Variants in TNFRSF10D observed in about 807,000 individuals in gnomAD.
TNFRSF10D encodes TNF receptor superfamily member 10d, also known as tumor necrosis factor receptor superfamily member 10D.
Under a neutral mutation model 42.1 loss-of-function variants are expected in TNFRSF10D, and 28 were observed. That is an observed-to-expected ratio of 0.66 (90% CI 0.49 to 0.91). The LOEUF (loss-of-function observed/expected upper bound fraction) is 0.91, where lower values mean the gene tolerates loss of function less well. Among genes scored for constraint, TNFRSF10D ranks in the 40% least tolerant of loss-of-function variants. The pLI is 0.00. For synonymous variants in TNFRSF10D, 186 were observed against 189.4 expected (o/e 0.98, Z 0.15); for missense variants, 503 against 486.1 (o/e 1.03, Z -0.33).
intron 2 of TNFRSF10D, among the ~76,000 whole-genome samples, chr8:23,152,150 T>C (rs900197975): frequency 2.0e-5 from 3 of 152,146 alleles, no homozygotes; most frequent in Admixed American, 1.3e-4. Flanking sequence ...AGAAGGATGT[T>C]AGGTTCAGAT....
At chr8:23,160,804 T>G (rs571997178) in intron 1 of TNFRSF10D, among the ~76,000 whole-genome samples, 1 of 152,260 alleles carries the variant, frequency 6.6e-6, no homozygotes, top group African/African-American at 2.4e-5. Context: ...TGCAGCCACC[T>G]GGATGGAGAC....
chr8:23,148,673 G>T, intron 2 of TNFRSF10D, 122 bp from the exon 3 acceptor site: 1 of 624,984 alleles, frequency 1.6e-6, no homozygotes, highest in Non-Finnish European at 2.8e-6. Context: ...GCTCTTCTTG[G>T]CTTGGTCTTG....
intron 2 of TNFRSF10D, among the ~76,000 whole-genome samples, chr8:23,152,552 A>G (rs1800224763): frequency 6.6e-6 from 1 of 152,256 alleles, no homozygotes; most frequent in Non-Finnish European, 1.5e-5. Flanking sequence ...ACAATTGAAC[A>G]GGGAAAGGAA....
chr8:23,159,081 A>G (rs2128839787), intron 1 of TNFRSF10D, among the ~76,000 whole-genome samples: 1 of 151,968 alleles, frequency 6.6e-6, no homozygotes, highest in South Asian at 2.1e-4. Flanking sequence ...CCTTCACACG[A>G]CATGATTTTC....
intron 3 of TNFRSF10D, among the ~76,000 whole-genome samples, chr8:23,147,760 C>A (rs1194623592): frequency 6.6e-6 from 1 of 152,012 alleles, no homozygotes; most frequent in Non-Finnish European, 1.5e-5. Flanking sequence ...AACCCTGTCT[C>A]TACTAAAAAC....
rs1280305612 is a variant in TNFRSF10D, at chr8:23,137,304, G to T, written c.*566C>A. On this transcript the variant is annotated 3_prime_UTR_variant, in exon 9 of 9. Coordinates refer to ENST00000312584, the MANE Select transcript of TNFRSF10D (RefSeq NM_003840.5). The stretch of plus-strand genomic sequence containing the variant: ...ATACAGGTAATAACAAGATAATCCC[G>T]TTCTAAAGTTAAAAAACTATAAGGC... 6.6e-6 allele frequency: 1 copy of T among 152,198 alleles called. No homozygotes were observed. Among genetic ancestry groups the T allele is most frequent in the African/African-American group, 2.4e-5 (1 of 41,388 alleles). The allele number at this position is 152,198 out of a possible 1,614,324, so 9.4% of individuals were successfully genotyped here.
intron 1 of TNFRSF10D, among the ~76,000 whole-genome samples, chr8:23,157,072 C>A (rs1182854016): frequency 1.3e-5 from 2 of 151,912 alleles, no homozygotes; most frequent in African/African-American, 4.8e-5. Context: ...TATAATTCAC[C>A]CATTTAGTCT....
chr8:23,137,944 G>A lies in TNFRSF10D; in HGVS notation c.1087C>T (p.Gln363Ter). The A allele has an allele frequency of 1.2e-6, 2 of 1,614,208 alleles. No individual in the cohort carries two copies. The highest frequency in any genetic ancestry group is 1.7e-6 in the Non-Finnish European group (2 of 1,180,048). Residue 363 changes from glutamine (Q) to a stop codon, truncating the protein, a stop_gained, in exon 9 of 9, where the codon CAG becomes TAG. Transcript: ENST00000312584. LOFTEE classifies it low-confidence loss of function (END_TRUNC). ...TTTTCGGAGCCCACCAGTTGGTCCTGAATTGTTTCCTTTGCATGTCCTTCT... is the reference window on the plus strand; with the variant it reads ...TTTTCGGAGCCCACCAGTTGGTCCTAAATTGTTTCCTTTGCATGTCCTTCT... ...LEEGHAKETI[Q>*]DQLVGSEKLF... is the part of the protein sequence containing the mutation.
intron 7 of TNFRSF10D, among the ~76,000 whole-genome samples, chr8:23,143,229 G>A (rs1292928827): frequency 6.7e-6 from 1 of 150,286 alleles, no homozygotes; most frequent in East Asian, 2.0e-4. Flanking sequence ...ACCCTCCTCG[G>A]CCTCCCAAAG....
intron 2 of TNFRSF10D, among the ~76,000 whole-genome samples, chr8:23,148,919 G>T (rs368227344): frequency 6.6e-6 from 1 of 151,190 alleles, no homozygotes; most frequent in Non-Finnish European, 1.5e-5. Context: ...GGCCAGGCAC[G>T]GTGGCTCACG....
chr8:23,156,199 T>G (rs568953784), intron 1 of TNFRSF10D, among the ~76,000 whole-genome samples: 10 of 152,336 alleles, frequency 6.6e-5, no homozygotes, highest in African/African-American at 2.2e-4. Flanking sequence ...TTCAAATTTT[T>G]TTTGCATAGT....
intron 2 of TNFRSF10D, among the ~76,000 whole-genome samples, chr8:23,150,179 C>G (rs757987392): frequency 1.3e-5 from 2 of 150,970 alleles, no homozygotes; most frequent in Admixed American, 6.6e-5. Context: ...AGTGCCAGGT[C>G]AGTCCCCATG....
At chr8:23,139,116 T>C (rs1450799719) in intron 7 of TNFRSF10D, among the ~76,000 whole-genome samples, 3 of 152,316 alleles carry the variant, frequency 2.0e-5, no homozygotes, top group South Asian at 2.1e-4. Context: ...GAAATGTATG[T>C]CTGGAGGAAT....
chr8:23,153,690 A>G (rs1394518852), intron 2 of TNFRSF10D, among the ~76,000 whole-genome samples: 856 of 152,082 alleles, frequency 5.6e-3, no homozygotes, highest in African/African-American at 0.017. Context: ...ACACCTGTAA[A>G]AATGGCTATT....
intron 7 of TNFRSF10D, 127 bp downstream of exon 7, chr8:23,144,323 G>T: frequency 9.0e-7 from 1 of 1,113,258 alleles, no homozygotes. Flanking sequence ...GTCCCCTGCA[G>T]TCCCCTGTCT....
intron 1 of TNFRSF10D, among the ~76,000 whole-genome samples, chr8:23,163,532 G>T (rs957239699): frequency 2.4e-4 from 36 of 152,172 alleles, no homozygotes; most frequent in African/African-American, 8.2e-4. Context: ...CTTCCTCTGG[G>T]GCAGCTCAGT....
In TNFRSF10D at chr8:23,144,556, C is replaced by G; in HGVS notation, c.848G>C (p.Arg283Thr). The change falls in exon 7 of 9, where the codon AGA becomes ACA. Residue 283 changes from arginine to threonine, a missense_variant. Physicochemically the swap from Arg to Thr is moderately conservative, Grantham distance 71. Transcript: ENST00000312584. ...AGAGACCTGGGTGGGCTGCAAGTAT[C>G]TGTTACTCAGGGTCTCGTTGCGGGC... ...DNARNETLSNRYLQPTQVSEQ... is the reference protein window; with the variant it reads ...DNARNETLSNTYLQPTQVSEQ... 2 of 1,614,208 alleles carry G rather than the reference C, an allele frequency of 1.2e-6. No homozygotes were observed. Among genetic ancestry groups the G allele is most frequent in the Non-Finnish European group, 1.7e-6 (2 of 1,180,038 alleles).
intron 3 of TNFRSF10D, among the ~76,000 whole-genome samples, 166 bp downstream of exon 3, chr8:23,148,272 A>C (rs1800154436): frequency 6.6e-6 from 1 of 151,326 alleles, no homozygotes; most frequent in Non-Finnish European, 1.5e-5. Context: ...AAGAAAAAAA[A>C]GATTTCTATT....
chr8:23,163,759 C>G (rs751565847), intron 1 of TNFRSF10D, 27 bp downstream of exon 1: 11 of 1,604,278 alleles, frequency 6.9e-6, no homozygotes, highest in Non-Finnish European at 9.3e-6. Flanking sequence ...CGCTCTTCCC[C>G]AGCCAGGGAC....
Sources: allele counts gnomAD v4.1 joint callset (sites outside exome capture counted in the v4.1 genomes callset), GRCh38; gene constraint gnomAD v4.1.1; transcripts MANE v1.5; gene names NCBI Gene and HGNC (gene_info 2026-07-23, HGNC 2026-07-21).